Variants in AK5 observed in about 807,000 individuals in gnomAD.
AK5 encodes adenylate kinase 5.
In AK5, 27 loss-of-function variants were observed where a neutral mutation model predicts 69.5. The observed-to-expected ratio is 0.39, with a 90% CI of 0.29 to 0.54. The LOEUF (loss-of-function observed/expected upper bound fraction) is 0.54, where lower values mean the gene tolerates loss of function less well. Ranked by LOEUF, AK5 falls within the 20% of genes least tolerant of loss-of-function variation. The pLI is 0.71. For synonymous variants in AK5, 260 were observed against 244.4 expected (o/e 1.06, Z -0.60); for missense variants, 531 against 700.4 (o/e 0.76, Z 2.73).
At chr1:77,360,226 G>A (rs1646838955) in intron 6 of AK5, among the ~76,000 whole-genome samples, 1 of 152,202 alleles carries the variant, frequency 6.6e-6, no homozygotes, top group Admixed American at 6.5e-5. Context: ...AGGACTGATA[G>A]AGGAAGAAGA....
intron 6 of AK5, among the ~76,000 whole-genome samples, chr1:77,404,539 A>G (rs941807988): frequency 1.1e-4 from 16 of 152,210 alleles, no homozygotes; most frequent in Admixed American, 8.5e-4. Flanking sequence ...TTTGCCAATT[A>G]AGTGGCAATT....
intron 13 of AK5, among the ~76,000 whole-genome samples, chr1:77,544,255 T>C (rs151010314): frequency 6.5e-4 from 99 of 152,356 alleles, no homozygotes; most frequent in African/African-American, 2.3e-3. Flanking sequence ...GTGCTCTGGA[T>C]GAGTCACTGA....
intron 10 of AK5, among the ~76,000 whole-genome samples, chr1:77,508,442 C>T (rs1160619961): frequency 6.6e-6 from 1 of 152,204 alleles, no homozygotes; most frequent in Non-Finnish European, 1.5e-5. Flanking sequence ...CATTACCAGT[C>T]TCATGGCAAA....
At chr1:77,475,181 ATATATATATATATATGTG>A (rs144478022) in intron 8 of AK5, among the ~76,000 whole-genome samples, 32,726 of 61,744 alleles carry the variant, frequency 0.53, 4,569 homozygotes, top group South Asian at 0.62. Flanking sequence ...ATATATATAT[ATATATATATATATATGTG>A]TGTGTGTGTG....
intron 8 of AK5, among the ~76,000 whole-genome samples, chr1:77,474,862 T>TGGTGCAATCACAGC (rs529097965): frequency 3.6e-4 from 55 of 152,166 alleles, no homozygotes; most frequent in Admixed American, 2.6e-4. Flanking sequence ...TAGAGCACAG[T>TGGTGCAATCACAGC]GGTGCAATCA....
intron 5 of AK5, among the ~76,000 whole-genome samples, chr1:77,327,596 AT>A (rs1269488728): frequency 6.6e-6 from 1 of 152,186 alleles, no homozygotes; most frequent in African/African-American, 2.4e-5. Context: ...GTAATGAGGA[AT>A]CCATAAACTG....
At chr1:77,557,622 G>A (rs911743274) in intron 13 of AK5, among the ~76,000 whole-genome samples, 3 of 151,944 alleles carry the variant, frequency 2.0e-5, no homozygotes, top group African/African-American at 7.3e-5. Flanking sequence ...TACACACTGC[G>A]GTCCTAGTCT....
Position 77,285,800 on chromosome 1 carries a change from G to T in AK5, c.61-1141G>T, listed in dbSNP as rs1161483922. ...TGTCAAATAGTAATTTTTTTTTTTA[G>T]TCTCAGACCTAAATTTTTTTGAGTC... On this transcript the variant is annotated intron_variant, in intron 1 of 13. Transcript: ENST00000354567. Among the ~76,000 whole-genome samples the T allele has an allele frequency of 2.6e-5, 4 of 151,388 alleles. No individual in the cohort carries two copies. The East Asian group carries it at 5.8e-4, about 22-fold the overall frequency.
chr1:77,420,433 A>T (rs187840660), intron 8 of AK5: 5 of 149,784 alleles, frequency 3.3e-5, no homozygotes, highest in South Asian at 2.1e-4. Flanking sequence ...TGCAGTTACT[A>T]TAAAGGAATG....
intron 6 of AK5, among the ~76,000 whole-genome samples, chr1:77,400,830 G>C (rs1290407749): frequency 4.0e-5 from 6 of 149,042 alleles, no homozygotes; most frequent in African/African-American, 1.5e-4. Context: ...GTTTTACTCA[G>C]ATATACACAG....
At chr1:77,289,254 T>A (rs1339694306) in intron 2 of AK5, among the ~76,000 whole-genome samples, 1 of 152,190 alleles carries the variant, frequency 6.6e-6, no homozygotes, top group Non-Finnish European at 1.5e-5. Flanking sequence ...CAGCAGGTAC[T>A]CATGGTTGTA....
At chr1:77,526,468 T>C (rs1420965873) in intron 12 of AK5, among the ~76,000 whole-genome samples, 1 of 123,166 alleles carries the variant, frequency 8.1e-6, no homozygotes, top group African/African-American at 3.5e-5. Flanking sequence ...TAAAAGTCTT[T>C]TTTTTTTTTT....
chr1:77,288,277 G>T (rs1175726380), intron 2 of AK5, among the ~76,000 whole-genome samples: 1 of 152,146 alleles, frequency 6.6e-6, no homozygotes, highest in Non-Finnish European at 1.5e-5. Flanking sequence ...GGCTCTAGAT[G>T]AATTTGAGAC....
At chr1:77,413,761 A>G (rs1650205771) in intron 7 of AK5, among the ~76,000 whole-genome samples, 1 of 152,152 alleles carries the variant, frequency 6.6e-6, no homozygotes, top group East Asian at 1.9e-4. Flanking sequence ...CACATCTTAC[A>G]CAATACAACT....
At chr1:77,312,984 C>CA (rs1215281432) in intron 5 of AK5, among the ~76,000 whole-genome samples, 1 of 151,994 alleles carries the variant, frequency 6.6e-6, no homozygotes, top group East Asian at 1.9e-4. Context: ...AAATGTGTAC[C>CA]AAAAAAATTA....
chr1:77,396,179 G>A (rs757522555), intron 6 of AK5, among the ~76,000 whole-genome samples: 1 of 152,174 alleles, frequency 6.6e-6, no homozygotes, highest in Non-Finnish European at 1.5e-5. Flanking sequence ...ATAGAGTTGA[G>A]TCAGCTAAAT....
intron 8 of AK5, among the ~76,000 whole-genome samples, chr1:77,442,088 G>A (rs938114627): frequency 1.3e-5 from 2 of 152,202 alleles, no homozygotes; most frequent in African/African-American, 4.8e-5. Context: ...GCCTGAACCA[G>A]TAGGGCTTGG....
intron 10 of AK5, among the ~76,000 whole-genome samples, chr1:77,513,703 G>T (rs998353628): frequency 1.2e-4 from 19 of 152,192 alleles, no homozygotes; most frequent in Non-Finnish European, 2.2e-4. Context: ...AGCCAGGAGT[G>T]GTGGCACTCG....
At chr1:77,447,754 T>C (rs1041397772) in intron 8 of AK5, among the ~76,000 whole-genome samples, 3 of 152,224 alleles carry the variant, frequency 2.0e-5, no homozygotes, top group Non-Finnish European at 4.4e-5. Context: ...TGGTATGTCT[T>C]GGAGCCTTAA....
Sources: gnomAD v4.1 joint callset for allele counts (sites outside exome capture counted in the v4.1 genomes callset) on GRCh38, gnomAD v4.1.1 for gene constraint, MANE v1.5 for transcripts, NCBI Gene and HGNC (gene_info 2026-07-23, HGNC 2026-07-21) for gene names.